The following NUBPL variants were observed in gnomAD, a reference collection of about 807,000 sequenced individuals.
NUBPL encodes the protein iron-sulfur cluster transfer protein NUBPL.
NUBPL carries 31 observed loss-of-function variants against 45.7 expected under a neutral mutation model. The ratio of observed to expected loss-of-function variants is 0.68; its 90% CI spans 0.51 to 0.92. NUBPL has a LOEUF of 0.92. NUBPL is among the 40% of genes least tolerant of loss of function. The pLI, the probability that NUBPL is intolerant of heterozygous loss-of-function variation, is 0.00. For synonymous variants in NUBPL, 144 were observed against 140.9 expected (o/e 1.02, Z -0.15); for missense variants, 401 against 398.7 (o/e 1.01, Z -0.05).
intron 7 of NUBPL, among the ~76,000 whole-genome samples, chr14:31,806,278 CAGAG>C (rs2039683699): frequency 6.6e-6 from 1 of 152,082 alleles, no homozygotes; most frequent in Admixed American, 6.6e-5. Flanking sequence ...TAATGGTAAT[CAGAG>C]AGCAGCAGTT....
rs566163281 is a variant in NUBPL, at chr14:31,805,504, T to C, written c.607+17631T>C. On this transcript the variant is annotated intron_variant, in intron 7 of 10. Coordinates refer to ENST00000281081, the MANE Select transcript of NUBPL (RefSeq NM_025152.3). Reference sequence around the variant, plus strand: ...ACTACTACTCACAATAGCAAAGATATGGAATCAACCTAAATGCCTATCAAT... The same window carrying C: ...ACTACTACTCACAATAGCAAAGATACGGAATCAACCTAAATGCCTATCAAT... Among the ~76,000 whole-genome samples, 3 of 152,138 alleles carry C rather than the reference T, an allele frequency of 2.0e-5. No homozygotes were observed. In the South Asian group the frequency reaches 6.2e-4, roughly 31 times the overall value.
chr14:31,655,105 C>T (rs1186094093), intron 4 of NUBPL, among the ~76,000 whole-genome samples: 1 of 152,202 alleles, frequency 6.6e-6, no homozygotes, highest in African/African-American at 2.4e-5. Flanking sequence ...CAACTTCTTC[C>T]TAACTCCTGT....
At chr14:31,668,158 C>G (rs2036482216) in intron 4 of NUBPL, among the ~76,000 whole-genome samples, 1 of 152,214 alleles carries the variant, frequency 6.6e-6, no homozygotes, top group South Asian at 2.1e-4. Flanking sequence ...GCTGCATCCA[C>G]AGCTGCGCCT....
chr14:31,858,076 G>A (rs1198296596), intron 10 of NUBPL, among the ~76,000 whole-genome samples: 1 of 152,222 alleles, frequency 6.6e-6, no homozygotes, highest in Non-Finnish European at 1.5e-5. Flanking sequence ...GGCTAGGAAG[G>A]CATCACAATC....
At chr14:31,777,080 CTGAT>C (rs997404893) in intron 6 of NUBPL, among the ~76,000 whole-genome samples, 1 of 152,214 alleles carries the variant, frequency 6.6e-6, no homozygotes, top group African/African-American at 2.4e-5. Flanking sequence ...CAGCTCAACT[CTGAT>C]TGACTGGTTC....
chr14:31,578,927 G>A (rs2139486005), intron 3 of NUBPL, among the ~76,000 whole-genome samples: 1 of 152,290 alleles, frequency 6.6e-6, no homozygotes, highest in African/African-American at 2.4e-5. Context: ...AACAAGCTAG[G>A]ATTTTCTCAG....
chr14:31,722,134 C>T (rs1002975293), intron 6 of NUBPL, among the ~76,000 whole-genome samples: 5 of 152,054 alleles, frequency 3.3e-5, no homozygotes, highest in Admixed American at 2.0e-4. Flanking sequence ...GTAGCTGGGA[C>T]TACAGGTGCC....
chr14:31,762,171 A>G (rs536252780), intron 6 of NUBPL, among the ~76,000 whole-genome samples: 17 of 152,320 alleles, frequency 1.1e-4, no homozygotes, highest in Non-Finnish European at 1.9e-4. Flanking sequence ...TCTTTTAAAA[A>G]TCTTTTCTAA....
chr14:31,830,525 T>A (rs1178594974), intron 8 of NUBPL, among the ~76,000 whole-genome samples: 1 of 152,184 alleles, frequency 6.6e-6, no homozygotes, highest in Admixed American at 6.5e-5. Flanking sequence ...AGGGAACTCA[T>A]GTATTCATTT....
At chr14:31,834,317 A>T (rs2040241852) in intron 8 of NUBPL, among the ~76,000 whole-genome samples, 1 of 151,010 alleles carries the variant, frequency 6.6e-6, no homozygotes, top group African/African-American at 2.4e-5. Context: ...AGTAGCTGGG[A>T]CTACAGGCTC....
At chr14:31,687,544 T>C (rs2036982812) in intron 6 of NUBPL, among the ~76,000 whole-genome samples, 1 of 152,258 alleles carries the variant, frequency 6.6e-6, no homozygotes, top group South Asian at 2.1e-4. Context: ...CTACATACTA[T>C]ACTGCTGTGA....
intron 7 of NUBPL, among the ~76,000 whole-genome samples, chr14:31,819,496 C>G (rs1184582701): frequency 6.6e-6 from 1 of 152,156 alleles, no homozygotes; most frequent in East Asian, 1.9e-4. Flanking sequence ...TAGATACAAT[C>G]TATGCCCTGG....
intron 6 of NUBPL, among the ~76,000 whole-genome samples, chr14:31,772,911 A>G (rs1315435469): frequency 2.0e-5 from 3 of 152,158 alleles, no homozygotes; most frequent in Non-Finnish European, 4.4e-5. Flanking sequence ...TGTAAAAAGG[A>G]TTAGAGAACT....
chr14:31,804,062 A>G (rs191659166), intron 7 of NUBPL, among the ~76,000 whole-genome samples: 48 of 152,082 alleles, frequency 3.2e-4, no homozygotes, highest in African/African-American at 1.1e-3. Context: ...CCTAACTCTC[A>G]ATCTAAATTT....
intron 6 of NUBPL, among the ~76,000 whole-genome samples, chr14:31,685,313 G>A (rs978170334): frequency 2.6e-5 from 4 of 152,132 alleles, no homozygotes; most frequent in African/African-American, 9.7e-5. Context: ...ACCTTAACTA[G>A]AACAGGGAAT....
chr14:31,709,549 T>C (rs2037524910), intron 6 of NUBPL, among the ~76,000 whole-genome samples: 1 of 116,954 alleles, frequency 8.6e-6, no homozygotes, highest in Non-Finnish European at 2.2e-5. Context: ...GGGCTGCAGC[T>C]AAAGCTGCAT....
chr14:31,717,141 A>G (rs1318996623), intron 6 of NUBPL, among the ~76,000 whole-genome samples: 1 of 152,090 alleles, frequency 6.6e-6, no homozygotes, highest in Non-Finnish European at 1.5e-5. Flanking sequence ...GTCCTTCTTT[A>G]TCTAATCAGG....
intron 7 of NUBPL, among the ~76,000 whole-genome samples, chr14:31,812,884 C>G (rs1354028638): frequency 1.3e-5 from 2 of 152,000 alleles, no homozygotes; most frequent in Admixed American, 6.6e-5. Context: ...ACAGAGCTGT[C>G]TGATTCTGAT....
At chr14:31,718,799 A>C (rs1246864136) in intron 6 of NUBPL, among the ~76,000 whole-genome samples, 1 of 152,192 alleles carries the variant, frequency 6.6e-6, no homozygotes, top group Non-Finnish European at 1.5e-5. Flanking sequence ...ACATATAAAA[A>C]AGATTAGTGT....
Sources: gnomAD v4.1 joint callset for allele counts (sites outside exome capture counted in the v4.1 genomes callset) on GRCh38, gnomAD v4.1.1 for gene constraint, MANE v1.5 for transcripts, NCBI Gene and HGNC (gene_info 2026-07-23, HGNC 2026-07-21) for gene names.